Variants in SAMD5 observed in about 807,000 individuals in gnomAD.
The protein encoded by SAMD5 is sterile alpha motif domain containing 5.
Under a neutral mutation model 11.3 loss-of-function variants are expected in SAMD5, and 13 were observed. The ratio of observed to expected loss-of-function variants is 1.15; its 90% CI spans 0.75 to 1.83. The LOEUF (loss-of-function observed/expected upper bound fraction) is 1.83, where lower values mean the gene tolerates loss of function less well. SAMD5 is among the 40% of genes most tolerant of loss of function. SAMD5 has a pLI of 0.00. For missense variants in SAMD5, 255 were observed against 239.1 expected (o/e 1.07, Z -0.44); for synonymous variants, 129 against 111.3 (o/e 1.16, Z -1.00).
At chr6:147,793,922 G>A in the SAMD5 span, among the ~76,000 whole-genome samples, 2 of 152,026 alleles carry the variant, frequency 1.3e-5, no homozygotes, top group Non-Finnish European at 2.9e-5. Context: ...AAATTTTAGA[G>A]TCAGTTTGCT....
the SAMD5 span, among the ~76,000 whole-genome samples, chr6:147,896,844 T>TATTGA: frequency 3.9e-4 from 57 of 146,528 alleles, 3 homozygotes; most frequent in South Asian, 0.012. Context: ...ATAGCACCAA[T>TATTGA]ATTGAAGTAT....
At chr6:147,516,232 A>G (rs532820426) in intron 1 of SAMD5, among the ~76,000 whole-genome samples, 109 of 152,330 alleles carry the variant, frequency 7.2e-4, no homozygotes, top group Admixed American at 5.6e-3. Flanking sequence ...GCTGAGAACC[A>G]TATCAGTGCA....
intron 1 of SAMD5, among the ~76,000 whole-genome samples, chr6:147,516,241 C>T (rs1788168823): frequency 6.6e-6 from 1 of 152,190 alleles, no homozygotes; most frequent in African/African-American, 2.4e-5. Flanking sequence ...CATATCAGTG[C>T]ACATCTATCA....
the SAMD5 span, among the ~76,000 whole-genome samples, chr6:147,844,096 G>T: frequency 2.6e-5 from 4 of 152,100 alleles, no homozygotes; most frequent in East Asian, 3.9e-4. Flanking sequence ...TTATACATCA[G>T]ATAAGGGGCT....
downstream of SAMD5, among the ~76,000 whole-genome samples, chr6:147,572,637 C>G (rs931990418): frequency 2.6e-5 from 4 of 152,074 alleles, no homozygotes; most frequent in Non-Finnish European, 4.4e-5. Flanking sequence ...TTCTTTAGAT[C>G]ATATATTCCT....
At chr6:147,833,938 G>A in the SAMD5 span, among the ~76,000 whole-genome samples, 9 of 152,088 alleles carry the variant, frequency 5.9e-5, no homozygotes, top group Non-Finnish European at 8.8e-5. Context: ...GGATGGAATG[G>A]GTCAGATAAT....
At chr6:147,645,995 T>C (rs1215027287) in intron 1 of SAMD5, among the ~76,000 whole-genome samples, 1 of 150,400 alleles carries the variant, frequency 6.6e-6, no homozygotes, top group Admixed American at 6.6e-5. Context: ...TCTATTTCTA[T>C]ATCTGTCTGT....
At chr6:147,835,090 G>A in the SAMD5 span, among the ~76,000 whole-genome samples, 34 of 152,006 alleles carry the variant, frequency 2.2e-4, no homozygotes, top group African/African-American at 5.1e-4. Flanking sequence ...AAAATTAGCC[G>A]GATGTGGTGG....
At chr6:147,878,032 C>T in the SAMD5 span, among the ~76,000 whole-genome samples, 17 of 151,732 alleles carry the variant, frequency 1.1e-4, no homozygotes, top group Non-Finnish European at 2.1e-4. Context: ...TTACTGCAGC[C>T]TCCCAAAGTG....
the SAMD5 span, among the ~76,000 whole-genome samples, chr6:147,870,466 GTGTGTGTGTGTGTGTGTA>G: frequency 1.0e-3 from 124 of 121,086 alleles, no homozygotes; most frequent in Non-Finnish European, 1.9e-3. Context: ...GTGTGTGTGT[GTGTGTGTGTGTGTGTGTA>G]TATATATATG....
At chr6:147,539,183 GA>G (rs937151177) in intron 1 of SAMD5, among the ~76,000 whole-genome samples, 1 of 152,164 alleles carries the variant, frequency 6.6e-6, no homozygotes, top group African/African-American at 2.4e-5. Flanking sequence ...CAAAAGGAGG[GA>G]AATAACTCCA....
At chr6:147,915,045 T>A in the SAMD5 span, among the ~76,000 whole-genome samples, 4 of 152,150 alleles carry the variant, frequency 2.6e-5, no homozygotes, top group Non-Finnish European at 5.9e-5. Context: ...GACCCTAGAC[T>A]AGGTCCTGTA....
chr6:147,727,445 G>C (rs988121020), intron 1 of SAMD5, among the ~76,000 whole-genome samples: 2 of 152,178 alleles, frequency 1.3e-5, no homozygotes, highest in African/African-American at 4.8e-5. Context: ...TTGTCTGGTA[G>C]TGTTTTCCCA....
At chr6:147,946,691 C>T in the SAMD5 span, among the ~76,000 whole-genome samples, 61 of 152,224 alleles carry the variant, frequency 4.0e-4, 3 homozygotes, top group South Asian at 0.012. Context: ...ACAGTTTCTG[C>T]GCTATTTTTT....
At chr6:147,639,456 C>T (rs927419989) in intron 1 of SAMD5, among the ~76,000 whole-genome samples, 3 of 152,148 alleles carry the variant, frequency 2.0e-5, no homozygotes, top group Non-Finnish European at 2.9e-5. Context: ...AAGCACAGCC[C>T]GTGATGAGTA....
intron 1 of SAMD5, among the ~76,000 whole-genome samples, chr6:147,530,229 T>C (rs1788407609): frequency 6.6e-6 from 1 of 152,240 alleles, no homozygotes; most frequent in Non-Finnish European, 1.5e-5. Flanking sequence ...GATTTTGAAC[T>C]ATCATTGGAG....
chr6:147,727,085 A>C (rs1461908819), intron 1 of SAMD5, among the ~76,000 whole-genome samples: 3 of 152,174 alleles, frequency 2.0e-5, no homozygotes, highest in Non-Finnish European at 4.4e-5. Flanking sequence ...CAAAGTCCTT[A>C]ATGGAGTATC....
intron 1 of SAMD5, among the ~76,000 whole-genome samples, chr6:147,737,066 A>G (rs1562363552): frequency 6.6e-6 from 1 of 152,148 alleles, no homozygotes; most frequent in Non-Finnish European, 1.5e-5. Context: ...TAACTTTGCA[A>G]TGCATGTATA....
the SAMD5 span, among the ~76,000 whole-genome samples, chr6:147,881,858 C>T: frequency 6.6e-6 from 1 of 152,148 alleles, no homozygotes; most frequent in Non-Finnish European, 1.5e-5. Flanking sequence ...CCCTTGGCTT[C>T]GATCTGGGGG....
Sources: allele counts gnomAD v4.1 joint callset (sites outside exome capture counted in the v4.1 genomes callset), GRCh38; gene constraint gnomAD v4.1.1; transcripts MANE v1.5; gene names NCBI Gene and HGNC (gene_info 2026-07-23, HGNC 2026-07-21).